Variants in TNRC6C observed in about 807,000 individuals in gnomAD.
The protein encoded by TNRC6C is trinucleotide repeat containing adaptor 6C.
Under a neutral mutation model 153.7 loss-of-function variants are expected in TNRC6C, and 20 were observed. The ratio of observed to expected loss-of-function variants is 0.13; its 90% CI spans 0.09 to 0.19. TNRC6C has a LOEUF of 0.19. Among genes scored for constraint, TNRC6C ranks in the 10% least tolerant of loss-of-function variants. TNRC6C has a pLI of 1.00. For missense variants in TNRC6C, 1,987 were observed against 2,172.0 expected, an observed-to-expected ratio of 0.91 and a Z score of 1.69; for synonymous variants, 811 against 841.4, an observed-to-expected ratio of 0.96 and a Z score of 0.63.
At chr17:78,040,518 C>G (rs1330028557) in intron 2 of TNRC6C, among the ~76,000 whole-genome samples, 1 of 151,994 alleles carries the variant, frequency 6.6e-6, no homozygotes, top group Non-Finnish European at 1.5e-5. Flanking sequence ...ACATATGGGG[C>G]TCATTTAGAA....
chr17:78,085,467 C>T (rs926850062), intron 11 of TNRC6C, among the ~76,000 whole-genome samples: 2 of 152,124 alleles, frequency 1.3e-5, no homozygotes, highest in African/African-American at 4.8e-5. Context: ...AGTATAATCT[C>T]CACCTTTATT....
intron 1 of TNRC6C, among the ~76,000 whole-genome samples, chr17:77,994,936 A>G (rs954991250): frequency 1.9e-4 from 29 of 152,314 alleles, no homozygotes; most frequent in Middle Eastern, 6.8e-3. Context: ...GTGTGACAGT[A>G]TTTAAAAGTC....
intron 7 of TNRC6C, among the ~76,000 whole-genome samples, chr17:78,073,314 G>A (rs1214800783): frequency 1.3e-5 from 2 of 152,222 alleles, no homozygotes; most frequent in Non-Finnish European, 2.9e-5. Context: ...TTTGAAGCAT[G>A]TTGGCTTTTC....
At position 78,025,621 on chromosome 17, in the gene TNRC6C, T is replaced by C. The variant is rs1262268024; in HGVS notation, c.-545-5895T>C. Among the ~76,000 whole-genome samples the C allele has an allele frequency of 3.3e-5, 5 of 152,124 alleles. No individual in the cohort carries two copies. The East Asian group carries it at 7.7e-4, about 23-fold the overall frequency. The stretch of plus-strand genomic sequence containing the variant: ...TAAATACCTATTAGCTTTTCTGTTA[T>C]TATAATTAGCTGAAGGTCATTATCA... On this transcript the variant is annotated intron_variant, in intron 1 of 19. Transcript: ENST00000301624.
At chr17:78,059,371 T>A (rs2072719479) in intron 3 of TNRC6C, among the ~76,000 whole-genome samples, 1 of 152,188 alleles carries the variant, frequency 6.6e-6, no homozygotes, top group Non-Finnish European at 1.5e-5. Flanking sequence ...TTCCTGTGTT[T>A]GAGGGGTTTG....
intron 5 of TNRC6C, among the ~76,000 whole-genome samples, chr17:78,070,672 A>C (rs144793329): frequency 4.1e-4 from 62 of 152,296 alleles, no homozygotes; most frequent in African/African-American, 1.4e-3. Context: ...CATTGGAATA[A>C]ACCCCCTCAT....
At chr17:78,082,010 T>C (rs1330244783) in intron 10 of TNRC6C, among the ~76,000 whole-genome samples, 1 of 151,886 alleles carries the variant, frequency 6.6e-6, no homozygotes, top group Non-Finnish European at 1.5e-5. Flanking sequence ...TAACTACTAA[T>C]GTTAAAATGT....
chr17:78,051,515 T>C (rs1379105065), intron 3 of TNRC6C, 67 bp downstream of exon 5: 3 of 1,343,332 alleles, frequency 2.2e-6, no homozygotes, highest in Non-Finnish European at 2.9e-6. Flanking sequence ...TCTCATTATA[T>C]ATTCATGAAT....
chr17:78,004,172 A>G, upstream of TNRC6C: 1 of 1,231,374 alleles, frequency 8.1e-7, no homozygotes, highest in Non-Finnish European at 1.0e-6. Context: ...TTTAATAGGG[A>G]GAAAGAGCAA....
At chr17:78,002,387 G>A (rs994866449), upstream of TNRC6C, among the ~76,000 whole-genome samples, 56 of 152,156 alleles carry the variant, frequency 3.7e-4, 1 homozygote, top group Non-Finnish European at 2.6e-4. Context: ...TTTAAAGCCA[G>A]GACATGTGGC....
exon 20 of TNRC6C, chr17:78,108,719 T>C (rs377689264): frequency 3.9e-5 from 6 of 154,328 alleles, no homozygotes; most frequent in African/African-American, 1.4e-4. Flanking sequence ...GGGCACCATT[T>C]CCACCCATGG....
At chr17:78,089,621 T>C (rs1453119977) in intron 13 of TNRC6C, among the ~76,000 whole-genome samples, 2 of 152,090 alleles carry the variant, frequency 1.3e-5, no homozygotes, top group Non-Finnish European at 2.9e-5. Flanking sequence ...TTTTGCCACC[T>C]GGAGTTCGCC....
intron 1 of TNRC6C, among the ~76,000 whole-genome samples, chr17:78,018,420 T>C (rs867045922): frequency 6.6e-6 from 1 of 152,216 alleles, no homozygotes; most frequent in Non-Finnish European, 1.5e-5. Flanking sequence ...TGAGCCACCA[T>C]GCCCAGCCGG....
rs79742338 is a variant in TNRC6C, at chr17:78,043,859, C to T, written c.-218-4986C>T. ...TGGCTTATTTTAATTAACATAGTGA[C>T]CTCCAGTTCCATCCATGTTGTTGCA... On this transcript the variant is annotated intron_variant, in intron 2 of 19. Coordinates refer to ENST00000301624, the Ensembl canonical transcript of TNRC6C. Among the ~76,000 whole-genome samples the T allele has an allele frequency of 8.5e-3, 1,292 of 152,274 alleles. 13 individuals carry two copies. Among genetic ancestry groups the T allele is most frequent in the South Asian group, 0.037 (178 of 4,820 alleles).
chr17:77,971,578 C>T (rs1404155144), intron 1 of TNRC6C, among the ~76,000 whole-genome samples: 1 of 152,052 alleles, frequency 6.6e-6, no homozygotes, highest in African/African-American at 2.4e-5. Flanking sequence ...CCAAAATAAC[C>T]TCAGGAGGTT....
intron 10 of TNRC6C, among the ~76,000 whole-genome samples, chr17:78,081,994 A>G (rs372257288): frequency 1.1e-4 from 17 of 151,578 alleles, no homozygotes; most frequent in East Asian, 9.7e-4. Flanking sequence ...CTTATTCTTT[A>G]CGTGCTAACT....
chr17:77,980,937 C>T (rs1204859180), intron 1 of TNRC6C, among the ~76,000 whole-genome samples: 1 of 152,178 alleles, frequency 6.6e-6, no homozygotes, highest in South Asian at 2.1e-4. Flanking sequence ...GGAAGCTCTC[C>T]AAACCCAATC....
At chr17:78,106,884 CAAAAAAA>C (rs72217904) in exon 20 of TNRC6C, 1 of 75,758 alleles carries the variant, frequency 1.3e-5, no homozygotes, top group African/African-American at 4.3e-5. Context: ...AAAAAAAATA[CAAAAAAA>C]AAAAAAAAAG....
chr17:78,052,505 C>T (rs1037407958), intron 3 of TNRC6C, among the ~76,000 whole-genome samples: 4 of 152,132 alleles, frequency 2.6e-5, no homozygotes, highest in Admixed American at 2.0e-4. Flanking sequence ...AAAGTATATA[C>T]GTAGTGTTGG....
Sources: gnomAD v4.1 joint callset for allele counts (sites outside exome capture counted in the v4.1 genomes callset) on GRCh38, gnomAD v4.1.1 for gene constraint, MANE v1.5 for transcripts, NCBI Gene and HGNC (gene_info 2026-07-23, HGNC 2026-07-21) for gene names.